The following GGPS1 variants were observed in gnomAD, a reference collection of about 807,000 sequenced individuals.
The protein encoded by GGPS1 is geranylgeranyl pyrophosphate synthase.
Under a neutral mutation model 28.1 loss-of-function variants are expected in GGPS1, and 15 were observed. The observed-to-expected ratio is 0.53, with a 90% CI of 0.36 to 0.82. The LOEUF (loss-of-function observed/expected upper bound fraction) is 0.82. Ranked by LOEUF, GGPS1 falls within the 40% of genes least tolerant of loss-of-function variation. The pLI is 0.01. For missense variants in GGPS1, 284 were observed against 348.3 expected (o/e 0.82, Z 1.47); for synonymous variants, 138 against 122.4 (o/e 1.13, Z -0.84).
chr1:235,331,546 AT>A (rs1349696609), intron 1 of GGPS1, among the ~76,000 whole-genome samples: 2 of 151,878 alleles, frequency 1.3e-5, no homozygotes, highest in Non-Finnish European at 2.9e-5. Context: ...TTCAGGGACT[AT>A]ATGATCTCTG....
intron 1 of GGPS1, chr1:235,329,047 C>G (rs1675584463): frequency 6.6e-6 from 1 of 152,176 alleles, no homozygotes; most frequent in South Asian, 2.1e-4. Context: ...TATACGTTTG[C>G]AGTTCTCTGC....
At chr1:235,334,660 A>G (rs1373204398) in intron 1 of GGPS1, among the ~76,000 whole-genome samples, 3 of 152,214 alleles carry the variant, frequency 2.0e-5, no homozygotes, top group Non-Finnish European at 4.4e-5. Flanking sequence ...CATTTCGTAT[A>G]AATGGAATCA....
chr1:235,342,451 C>A lies in GGPS1; in HGVS notation c.582C>A (p.His194Gln). 6.2e-7 allele frequency: 1 copy of A among 1,612,466 alleles called. No individual in the cohort carries two copies. Among genetic ancestry groups the A allele is most frequent in the Non-Finnish European group, 8.5e-7 (1 of 1,178,582 alleles). Residue 194 changes from histidine to glutamine, a missense_variant, in exon 4 of 4, where the codon CAC (histidine) becomes CAA (glutamine). Transcript: ENST00000282841. Reference sequence around the variant, plus strand: ...TTAGGGATGATTATGCTAATCTACACTCCAAAGAATATAGTGAAAACAAAA... The same window carrying A: ...TTAGGGATGATTATGCTAATCTACAATCCAAAGAATATAGTGAAAACAAAA... ...FQIRDDYANL[H>Q]SKEYSENKSF... is the part of the protein sequence containing the mutation.
chr1:235,328,078 A>G (rs1675476001), upstream of GGPS1: 1 of 153,010 alleles, frequency 6.5e-6, no homozygotes, highest in Non-Finnish European at 1.5e-5. Context: ...CCTCCGGGCA[A>G]AGGTCCAGGC....
chr1:235,327,311 C>G (rs960521514), upstream of GGPS1: 41 of 155,826 alleles, frequency 2.6e-4, 1 homozygote, highest in Non-Finnish European at 1.4e-5. Flanking sequence ...GGCGCCCGGC[C>G]GAGCGAATCC....
At chr1:235,333,515 G>C (rs527634771) in intron 1 of GGPS1, among the ~76,000 whole-genome samples, 3 of 150,274 alleles carry the variant, frequency 2.0e-5, no homozygotes, top group African/African-American at 7.4e-5. Flanking sequence ...GTTGCAGTGA[G>C]CCAAGATTGC....
chr1:235,331,223 A>G (rs1447700024), intron 1 of GGPS1, among the ~76,000 whole-genome samples: 1 of 152,136 alleles, frequency 6.6e-6, no homozygotes, highest in Non-Finnish European at 1.5e-5. Context: ...AATTTTCCAT[A>G]TGGGATGTTT....
At position 235,342,802 on chromosome 1, in the gene GGPS1, G is replaced by A. The variant is rs775558929; in HGVS notation, c.*30G>A. 29 of 1,436,032 alleles carry A rather than the reference G, an allele frequency of 2.0e-5. No homozygotes were observed. The highest frequency in any genetic ancestry group is 2.5e-5 in the Non-Finnish European group (26 of 1,056,956). 89.0% of individuals were successfully genotyped at this position (1,436,032 alleles called of 1,614,324 possible). Reference sequence around the variant, plus strand: ...AAGCCATTCTTGATTGGACCTCATAGCTTATTTTAGTTAATCTTTTTTTTG... The same window carrying A: ...AAGCCATTCTTGATTGGACCTCATAACTTATTTTAGTTAATCTTTTTTTTG... On this transcript the variant is annotated 3_prime_UTR_variant, in exon 4 of 4. Transcript: ENST00000282841.
intron 2 of GGPS1, among the ~76,000 whole-genome samples, chr1:235,341,101 G>A (rs895665596): frequency 1.3e-5 from 2 of 152,136 alleles, no homozygotes; most frequent in Non-Finnish European, 2.9e-5. Context: ...AGGCCGATGC[G>A]GGTGTATCGC....
At chr1:235,331,620 A>G (rs960600093) in intron 1 of GGPS1, among the ~76,000 whole-genome samples, 2 of 148,132 alleles carry the variant, frequency 1.4e-5, no homozygotes, top group Admixed American at 1.3e-4. Flanking sequence ...TTATTAACAC[A>G]TACACCGGGC....
chr1:235,331,321 C>T (rs1331859719), intron 1 of GGPS1, among the ~76,000 whole-genome samples: 1 of 151,980 alleles, frequency 6.6e-6, no homozygotes, highest in East Asian at 1.9e-4. Context: ...GAACAGACTA[C>T]AAAAAAATAT....
At position 235,342,398 on chromosome 1, in the gene GGPS1, C is replaced by T; in HGVS notation, c.529C>T (p.Leu177Phe). ...SDYKEDLKPL[L>F]NTLGLFFQIR... is the part of the protein sequence containing the mutation. ...TTACAAAGAAGATTTAAAACCGCTA[C>T]TTAATACACTTGGGCTCTTTTTCCA... Residue 177 changes from leucine to phenylalanine, a missense_variant, in exon 4 of 4, where the codon CTT (leucine) becomes TTT (phenylalanine). Transcript: ENST00000282841. 6.2e-7 allele frequency: 1 copy of T among 1,614,002 alleles called. No homozygotes were observed.
intron 2 of GGPS1, chr1:235,336,695 C>T (rs1259399256): frequency 1.3e-5 from 2 of 152,046 alleles, no homozygotes; most frequent in African/African-American, 4.8e-5. Context: ...GCATAAAAAC[C>T]TATTTAGCCA....
chr1:235,341,553 G>C (rs1048997975), intron 2 of GGPS1, among the ~76,000 whole-genome samples, 155 bp from the exon 3 acceptor site: 1 of 152,186 alleles, frequency 6.6e-6, no homozygotes, highest in Non-Finnish European at 1.5e-5. Context: ...TTATTGAGCA[G>C]TGCAAGGCAA....
At chr1:235,340,752 A>C (rs1022584614) in intron 2 of GGPS1, among the ~76,000 whole-genome samples, 2 of 148,428 alleles carry the variant, frequency 1.3e-5, no homozygotes, top group African/African-American at 2.5e-5. Flanking sequence ...AAAAAAAAAA[A>C]AAAAAACAAG....
At chr1:235,339,828 T>C (rs1183599781) in intron 2 of GGPS1, among the ~76,000 whole-genome samples, 1 of 152,140 alleles carries the variant, frequency 6.6e-6, no homozygotes, top group Non-Finnish European at 1.5e-5. Flanking sequence ...TGAAACCTTA[T>C]CTAAAATTAG....
At position 235,342,610 on chromosome 1, in the gene GGPS1, T is replaced by C; in HGVS notation, c.741T>C (p.Cys247=). The change falls in exon 4 of 4, where the codon TGT becomes TGC. Residue 247 remains cysteine (C), a synonymous_variant. Coordinates refer to ENST00000282841, the MANE Select transcript of GGPS1 (RefSeq NM_004837.4). ...AAAACATAGATATAAAAAAATACTG[T>C]GTACATTATCTTGAGGATGTAGGTT... ...RTENIDIKKY[C]VHYLEDVGSF... is the part of the protein sequence containing the mutation. 1 of 1,611,794 alleles carries C rather than the reference T, an allele frequency of 6.2e-7. No homozygotes were observed. Among genetic ancestry groups the C allele is most frequent in the Non-Finnish European group, 8.5e-7 (1 of 1,177,892 alleles).
intron 2 of GGPS1, among the ~76,000 whole-genome samples, chr1:235,338,707 A>G (rs893202549): frequency 4.0e-5 from 6 of 151,812 alleles, no homozygotes; most frequent in African/African-American, 1.5e-4. Flanking sequence ...CCCTGCCTCT[A>G]CAAAAAATAA....
At chr1:235,338,082 A>G (rs1340304075) in intron 2 of GGPS1, among the ~76,000 whole-genome samples, 2 of 152,034 alleles carry the variant, frequency 1.3e-5, no homozygotes, top group East Asian at 3.9e-4. Context: ...TCAGTACTAG[A>G]AATTATTTTG....
Sources: allele counts gnomAD v4.1 joint callset (sites outside exome capture counted in the v4.1 genomes callset), GRCh38; gene constraint gnomAD v4.1.1; transcripts MANE v1.5; gene names NCBI Gene and HGNC (gene_info 2026-07-23, HGNC 2026-07-21).